Variants in DIP2C observed in about 807,000 individuals in gnomAD.
DIP2C encodes the protein disco-interacting protein 2 homolog C.
A neutral mutation model predicts 192.4 loss-of-function variants in DIP2C; 33 were observed. The ratio of observed to expected loss-of-function variants is 0.17; its 90% confidence interval spans 0.13 to 0.23. The LOEUF (loss-of-function observed/expected upper bound fraction) is 0.23, where lower values mean the gene tolerates loss of function less well. Ranked by LOEUF, DIP2C falls within the 10% of genes least tolerant of loss-of-function variation. DIP2C has a pLI of 1.00. For synonymous variants in DIP2C, 979 were observed against 864.1 expected (o/e 1.13, Z -2.33); for missense variants, 1,537 against 2,110.1 (o/e 0.73, Z 5.32).
intron 1 of DIP2C, among the ~76,000 whole-genome samples, chr10:637,458 G>T (rs2131915465): frequency 6.6e-6 from 1 of 152,370 alleles, no homozygotes; most frequent in Non-Finnish European, 1.5e-5. Context: ...GACCTGACAG[G>T]TTTGTCTGGT....
rs1444919413 is a variant in DIP2C at position 390,314 on chromosome 10, C to G, written c.1444G>C (p.Asp482His). The change falls in exon 12 of 37, where the codon GAC becomes CAC. Residue 482 changes from aspartate to histidine, a missense_variant. Physicochemically the swap from Asp to His is moderately conservative, Grantham distance 81 (BLOSUM62 -1). Around this residue, in one of 4 missense-constraint regions of DIP2C, gnomAD observed 677 missense variants for 989.9 expected, o/e 0.68. Coordinates refer to ENST00000280886, the MANE Select transcript of DIP2C (RefSeq NM_014974.3). ...ESKHLSKPPRDWFPHIKDANN... is the reference protein window; with the variant it reads ...ESKHLSKPPRHWFPHIKDANN... ...GCATCTTTAATGTGTGGGAACCAGT[C>G]TCGGGGCGGTTTGGAGAGATGTTTA... 1.2e-6 allele frequency: 2 copies of G among 1,613,858 alleles called. No homozygotes were observed. The highest frequency in any genetic ancestry group is 1.3e-5 in the African/African-American group (1 of 74,824).
At chr10:298,993 G>A (rs1955889280) in intron 32 of DIP2C, among the ~76,000 whole-genome samples, 2 of 152,240 alleles carry the variant, frequency 1.3e-5, no homozygotes, top group African/African-American at 4.8e-5. Flanking sequence ...TTATGAGCAT[G>A]TGTAAAAATT....
At chr10:413,377 A>G (rs1225737822) in intron 8 of DIP2C, among the ~76,000 whole-genome samples, 1 of 152,252 alleles carries the variant, frequency 6.6e-6, no homozygotes, top group Non-Finnish European at 1.5e-5. Context: ...TACATACCAG[A>G]AAGTTTAGAT....
At chr10:553,341 A>G (rs1246412154) in intron 1 of DIP2C, among the ~76,000 whole-genome samples, 3 of 152,214 alleles carry the variant, frequency 2.0e-5, no homozygotes, top group Admixed American at 6.5e-5. Flanking sequence ...TGGTCACTCA[A>G]GAAGGATTTG....
At chr10:369,974 C>T in intron 17 of DIP2C, 1 of 985,418 alleles carries the variant, frequency 1.0e-6, no homozygotes, top group Non-Finnish European at 1.2e-6. Context: ...CTCTCTCTTT[C>T]CTCCCGGCTC....
chr10:508,925 T>C (rs1032492105), intron 1 of DIP2C, among the ~76,000 whole-genome samples: 2 of 152,130 alleles, frequency 1.3e-5, no homozygotes, highest in African/African-American at 4.8e-5. Flanking sequence ...ACCGTCCACC[T>C]CCAGGGTCAG....
chr10:480,684 G>A (rs1324963627), intron 2 of DIP2C, among the ~76,000 whole-genome samples: 1 of 152,250 alleles, frequency 6.6e-6, no homozygotes, highest in Non-Finnish European at 1.5e-5. Context: ...CATAGCGGCT[G>A]GCGCCTAAGA....
At chr10:538,440 G>A (rs1847811234) in intron 1 of DIP2C, among the ~76,000 whole-genome samples, 1 of 152,182 alleles carries the variant, frequency 6.6e-6, no homozygotes, top group African/African-American at 2.4e-5. Flanking sequence ...TAGGCATGAG[G>A]CATGAGCCAT....
intron 1 of DIP2C, among the ~76,000 whole-genome samples, chr10:580,994 A>C (rs1202706220): frequency 6.6e-6 from 1 of 152,198 alleles, no homozygotes; most frequent in East Asian, 1.9e-4. Flanking sequence ...GAGTTCTGAC[A>C]ATTTGACTCA....
chr10:507,717 C>T (rs1845715829), intron 1 of DIP2C, among the ~76,000 whole-genome samples: 1 of 152,154 alleles, frequency 6.6e-6, no homozygotes, highest in Non-Finnish European at 1.5e-5. Context: ...TGTTCCCGCA[C>T]ATTCCTTTCA....
intron 9 of DIP2C, among the ~76,000 whole-genome samples, chr10:401,352 T>C: frequency 6.6e-6 from 1 of 151,788 alleles, no homozygotes; most frequent in Non-Finnish European, 1.5e-5. Context: ...TTTACATGTG[T>C]GGTAGCATTA....
chr10:507,287 G>A (rs1048767888), intron 1 of DIP2C, among the ~76,000 whole-genome samples: 1 of 151,298 alleles, frequency 6.6e-6, no homozygotes, highest in Non-Finnish European at 1.5e-5. Flanking sequence ...AGACGTATGA[G>A]GTTACAGACC....
At chr10:650,734 C>G (rs913316159) in intron 1 of DIP2C, 13 of 639,768 alleles carry the variant, frequency 2.0e-5, no homozygotes, top group East Asian at 8.2e-5. Flanking sequence ...CCGACCCCCC[C>G]TCATGCTCAC....
intron 1 of DIP2C, among the ~76,000 whole-genome samples, chr10:657,610 A>C (rs1476176554): frequency 3.1e-4 from 13 of 42,530 alleles, no homozygotes; most frequent in African/African-American, 3.2e-4. Flanking sequence ...GCTGGACCTG[A>C]TGCTGGACCT....
chr10:551,908 G>A (rs908454917), intron 1 of DIP2C, among the ~76,000 whole-genome samples: 15 of 152,210 alleles, frequency 9.9e-5, no homozygotes, highest in African/African-American at 1.4e-4. Flanking sequence ...GGCCCCTGCC[G>A]TGGTGTCACA....
intron 31 of DIP2C, among the ~76,000 whole-genome samples, chr10:317,030 G>C (rs1403053584): frequency 6.6e-6 from 1 of 152,178 alleles, no homozygotes; most frequent in African/African-American, 2.4e-5. Flanking sequence ...GTTGGAACAA[G>C]AGTCTCTTGT....
intron 1 of DIP2C, among the ~76,000 whole-genome samples, chr10:506,285 C>A (rs551655854): frequency 1.3e-5 from 2 of 152,236 alleles, no homozygotes; most frequent in South Asian, 4.1e-4. Flanking sequence ...TCCAAATGTG[C>A]ATAAGATTTA....
chr10:617,199 C>A (rs543175981), intron 1 of DIP2C, among the ~76,000 whole-genome samples: 1 of 150,820 alleles, frequency 6.6e-6, no homozygotes. Flanking sequence ...GTATCTCAGC[C>A]GCCCCCTGAA....
intron 1 of DIP2C, among the ~76,000 whole-genome samples, chr10:607,928 G>T (rs933488577): frequency 5.3e-5 from 8 of 151,852 alleles, no homozygotes; most frequent in African/African-American, 1.9e-4. Context: ...CCACACCACA[G>T]CCCCTCAGTG....
Sources: allele counts gnomAD v4.1 joint callset (sites outside exome capture counted in the v4.1 genomes callset), GRCh38; gene constraint gnomAD v4.1.1; regional missense constraint gnomAD v4.1.1; transcripts MANE v1.5; gene names NCBI Gene and HGNC (gene_info 2026-07-23, HGNC 2026-07-21).